PHACTR2: variants seen among roughly 807,000 people sequenced by gnomAD.
PHACTR2 encodes phosphatase and actin regulator 2.
PHACTR2 carries 30 observed loss-of-function variants against 76.0 expected under a neutral mutation model. The observed-to-expected ratio is 0.39, with a 90% CI of 0.30 to 0.54. The LOEUF is 0.54. Among genes scored for constraint, PHACTR2 ranks in the 20% least tolerant of loss-of-function variants. The pLI, the probability that PHACTR2 is intolerant of heterozygous loss-of-function variation, is 0.61. For missense variants in PHACTR2, 696 were observed against 781.1 expected, an observed-to-expected ratio of 0.89 and a Z score of 1.30; for synonymous variants, 292 against 292.5, an observed-to-expected ratio of 1.00 and a Z score of 0.02.
intron 1 of PHACTR2, among the ~76,000 whole-genome samples, chr6:143,538,584 T>C (rs1781141374): frequency 6.6e-6 from 1 of 152,206 alleles, no homozygotes; most frequent in Admixed American, 6.5e-5. Context: ...CTGCCCTGGT[T>C]TTCAGGCTCT....
At position 143,772,115 on chromosome 6, in the gene PHACTR2, G is replaced by A; in HGVS notation, c.1233-143G>A. On this transcript the variant is annotated intron_variant, in intron 6 of 12. Coordinates refer to ENST00000440869, the MANE Select transcript of PHACTR2 (RefSeq NM_001100164.2). The surrounding 1 kb of genome is among the most constrained non-coding windows in gnomAD (Gnocchi z 5.4). ...TTGAGAATTAAGGTTTCATTTCAGT[G>A]ACTTTAGCCTGGCCTATGTCAAGTG... is the stretch of plus-strand genomic sequence containing the variant. The A allele has an allele frequency of 1.6e-6, 1 of 629,626 alleles. No homozygotes were observed. Among genetic ancestry groups the A allele is most frequent in the Admixed American group, 2.8e-5 (1 of 35,824 alleles). 39.0% of individuals were successfully genotyped at this position (629,626 alleles called of 1,614,324 possible).
Position 143,648,039 on chromosome 6 carries a change from T to A in PHACTR2, c.13+39717T>A, listed in dbSNP as rs1398138906. ...ATCCTGCCGTGACCCGAGAGAGATG[T>A]ATGGCTGCGACAGAGCCACAACAGT... is the stretch of plus-strand genomic sequence containing the variant. On this transcript the variant is annotated intron_variant, in intron 1 of 11. Coordinates refer to the PHACTR2 transcript ENST00000305766. This position sits in a 1 kb window ranked among gnomAD's most constrained non-coding sequence, Gnocchi z 6.7. Among the ~76,000 whole-genome samples, 1 of 152,110 alleles carries A rather than the reference T, an allele frequency of 6.6e-6. No homozygotes were observed. Among genetic ancestry groups the A allele is most frequent in the African/African-American group, 2.4e-5 (1 of 41,438 alleles).
intron 1 of PHACTR2, among the ~76,000 whole-genome samples, chr6:143,559,340 A>G (rs1775227645): frequency 6.6e-6 from 1 of 152,226 alleles, no homozygotes; most frequent in Non-Finnish European, 1.5e-5. Context: ...GTGATGTGAG[A>G]CCAGGCTGTT....
Position 143,543,272 on chromosome 6 carries a change from G to A in PHACTR2, c.217+6065G>A, listed in dbSNP as rs1308099412. ...CAGCTCTGAGACAGATATTAAAGCC[G>A]TGGATTTATTCTGGCCCCTACGTAC... is the stretch of plus-strand genomic sequence containing the variant. On this transcript the variant is annotated intron_variant, in intron 1 of 11. Transcript: ENST00000367584. This position sits in a 1 kb window ranked among gnomAD's most constrained non-coding sequence, Gnocchi z 4.7. Among the ~76,000 whole-genome samples, 3 of 152,210 alleles carry A rather than the reference G, an allele frequency of 2.0e-5. No homozygotes were observed. Among genetic ancestry groups the A allele is most frequent in the Admixed American group, 2.0e-4 (3 of 15,274 alleles).
Position 143,585,706 on chromosome 6 carries a change from A to C in PHACTR2, c.217+48499A>C, listed in dbSNP as rs1562242343. Reference sequence around the variant, plus strand: ...GTGGCACCTGATAGGTGCTCAAAAAATACCTGTGTGCGAATGAACTCTGTG... The same window carrying C: ...GTGGCACCTGATAGGTGCTCAAAAACTACCTGTGTGCGAATGAACTCTGTG... On this transcript the variant is annotated intron_variant, in intron 1 of 11. Transcript: ENST00000367584. The surrounding 1 kb of genome is among the most constrained non-coding windows in gnomAD (Gnocchi z 5.2). 6.6e-6 allele frequency among the ~76,000 whole-genome samples: 1 copy of C among 152,234 alleles called. No individual in the cohort carries two copies. The highest frequency in any genetic ancestry group is 1.5e-5 in the Non-Finnish European group (1 of 68,048).
chr6:143,637,357 G>A (rs1313829617), intron 1 of PHACTR2, among the ~76,000 whole-genome samples: 1 of 151,650 alleles, frequency 6.6e-6, no homozygotes, highest in East Asian at 1.9e-4. Context: ...AAGGAAGGAA[G>A]GAAAAAAGGA....
At chr6:143,614,352 C>T (rs1562248385) in intron 1 of PHACTR2, among the ~76,000 whole-genome samples, 1 of 152,188 alleles carries the variant, frequency 6.6e-6, no homozygotes, top group Non-Finnish European at 1.5e-5. Context: ...CCAGGGGATA[C>T]CAAGTTACAA....
At chr6:143,704,410 A>C (rs1777994784) in intron 1 of PHACTR2, among the ~76,000 whole-genome samples, 1 of 152,228 alleles carries the variant, frequency 6.6e-6, no homozygotes, top group Non-Finnish European at 1.5e-5. Context: ...CTTTCAGCTG[A>C]AATCTTTACT....
At chr6:143,566,032 A>AG (rs573076095) in intron 1 of PHACTR2, among the ~76,000 whole-genome samples, 260 of 152,264 alleles carry the variant, frequency 1.7e-3, no homozygotes, top group South Asian at 5.8e-3. Context: ...GACACAGTGA[A>AG]GGGCTGATCA....
intron 12 of PHACTR2, among the ~76,000 whole-genome samples, chr6:143,814,225 A>G (rs1331360145): frequency 6.6e-6 from 1 of 152,122 alleles, no homozygotes; most frequent in African/African-American, 2.4e-5. Flanking sequence ...GTGTGGTGGT[A>G]CACATCTGTA....
At chr6:143,674,243 T>G (rs1021436836), upstream of PHACTR2, among the ~76,000 whole-genome samples, 2 of 152,166 alleles carry the variant, frequency 1.3e-5, no homozygotes, top group Non-Finnish European at 2.9e-5. The surrounding 1 kb of genome is among the most constrained non-coding windows in gnomAD (Gnocchi z 4.9). Context: ...TATATTTTTC[T>G]AAGTAAGCTG....
chr6:143,588,373 C>T (rs142543854), intron 1 of PHACTR2, among the ~76,000 whole-genome samples: 2,015 of 152,246 alleles, frequency 0.013, 19 homozygotes, highest in Non-Finnish European at 0.021. Flanking sequence ...GAAAATGGAA[C>T]CCTTTTTTCC....
At chr6:143,719,947 G>A (rs886427920) in intron 2 of PHACTR2, among the ~76,000 whole-genome samples, 3 of 151,008 alleles carry the variant, frequency 2.0e-5, no homozygotes, top group African/African-American at 7.3e-5. Context: ...GAGTAGCTGG[G>A]ATTATAGGCA....
Position 143,677,981 on chromosome 6 carries a change from C to T in PHACTR2, c.-183C>T, listed in dbSNP as rs1421605753. The T allele has an allele frequency of 3.6e-6, 5 of 1,402,720 alleles. No homozygotes were observed. In the African/African-American group the frequency reaches 4.6e-5, roughly 13 times the overall value. The allele number at this position is 1,402,720 out of a possible 1,614,324, so 86.9% of individuals were successfully genotyped here. ...ATGACAGGCATCCGCTGGGCAGGAT[C>T]CGCCGCGCCGGCTGCGGCCGGCCGG... On this transcript the variant is annotated 5_prime_UTR_variant, in exon 1 of 13. Transcript: ENST00000440869.
chr6:143,615,976 A>G (rs1317878863), intron 1 of PHACTR2, among the ~76,000 whole-genome samples: 1 of 152,220 alleles, frequency 6.6e-6, no homozygotes, highest in Non-Finnish European at 1.5e-5. Context: ...CAGTGAAACA[A>G]TAATCTCATT....
rs769993035 is a variant in PHACTR2 at position 143,771,194 on chromosome 6, GTATATATATATATATATATATATATA to G, written c.1233-1048_1233-1023del. On this transcript the variant is annotated intron_variant, in intron 6 of 12. Coordinates refer to ENST00000440869, the MANE Select transcript of PHACTR2 (RefSeq NM_001100164.2). ...TATATGTATATATATATATATGTGTGTATATATATATATATATATATATATATATATATATATATATGCTTTTTTTT... is the reference window on the plus strand; with the variant it reads ...TATATGTATATATATATATATGTGTGTATATATATATATATGCTTTTTTTT... Among the ~76,000 whole-genome samples, 192 of 40,474 alleles carry G rather than the reference GTATATATATATATATATATATATATA, an allele frequency of 4.7e-3. 3 individuals carry two copies. The highest frequency in any genetic ancestry group is 7.5e-3 in the Non-Finnish European group (163 of 21,826). The allele number at this position is 40,474 out of a possible 152,430, so 26.6% of individuals were successfully genotyped here.
upstream of PHACTR2, among the ~76,000 whole-genome samples, chr6:143,673,849 A>G (rs1166435486): frequency 2.0e-5 from 3 of 151,854 alleles, no homozygotes; most frequent in Admixed American, 2.0e-4. Flanking sequence ...GAGGCAAGGT[A>G]TTTTGTTAAT....
At chr6:143,706,446 C>T (rs1014900) in intron 1 of PHACTR2, among the ~76,000 whole-genome samples, 52,749 of 151,980 alleles carry the variant, frequency 0.35, 9,522 homozygotes, top group Non-Finnish European at 0.41. Context: ...TGGGCAAACA[C>T]GGGTTCATGC....
intron 2 of PHACTR2, among the ~76,000 whole-genome samples, chr6:143,718,284 A>G (rs1401802594): frequency 6.6e-6 from 1 of 152,220 alleles, no homozygotes; most frequent in Non-Finnish European, 1.5e-5. Context: ...TCACTAAATC[A>G]TCAGTACAAC....
Sources: allele counts gnomAD v4.1 joint callset (sites outside exome capture counted in the v4.1 genomes callset), GRCh38; gene constraint gnomAD v4.1.1; non-coding constraint Gnocchi (gnomAD v3.1); transcripts MANE v1.5; gene names NCBI Gene and HGNC (gene_info 2026-07-23, HGNC 2026-07-21).